CEP63: variants seen among roughly 807,000 people sequenced by gnomAD.
The protein encoded by CEP63 is centrosomal protein of 63 kDa.
A neutral mutation model predicts 89.1 loss-of-function variants in CEP63; 84 were observed. The ratio of observed to expected loss-of-function variants is 0.94; its 90% CI spans 0.79 to 1.13. The LOEUF (loss-of-function observed/expected upper bound fraction) is 1.13, where lower values mean the gene tolerates loss of function less well. Among genes scored for constraint, CEP63 ranks in the 50% most tolerant of loss-of-function variants. The probability of loss-of-function intolerance (pLI) is 0.00; values close to 1 mark genes in which losing one functional copy is unlikely to be tolerated. For missense variants in CEP63, 838 were observed against 813.3 expected, an observed-to-expected ratio of 1.03 and a Z score of -0.37; for synonymous variants, 267 against 272.5, an observed-to-expected ratio of 0.98 and a Z score of 0.20.
At chr3:134,645,940 C>T in the CEP63 span, among the ~76,000 whole-genome samples, 9 of 152,158 alleles carry the variant, frequency 5.9e-5, no homozygotes, top group African/African-American at 2.2e-4. Context: ...CAGTGTATTT[C>T]AATCCTCTCC....
chr3:134,676,419 G>T, the CEP63 span, among the ~76,000 whole-genome samples: 1 of 152,194 alleles, frequency 6.6e-6, no homozygotes, highest in African/African-American at 2.4e-5. Context: ...GTTGCCAGGG[G>T]TTTGGGGTAG....
chr3:134,576,377 A>G (rs1443504528), downstream of CEP63, among the ~76,000 whole-genome samples: 1 of 152,238 alleles, frequency 6.6e-6, no homozygotes, highest in Non-Finnish European at 1.5e-5. Flanking sequence ...CTATTCCCTG[A>G]AGATGCCAGC....
the CEP63 span, chr3:134,647,408 T>C: frequency 6.5e-7 from 1 of 1,541,374 alleles, no homozygotes; most frequent in East Asian, 2.3e-5. Flanking sequence ...TTAAATCCTA[T>C]AGGTTGAAAG....
the CEP63 span, among the ~76,000 whole-genome samples, chr3:134,701,430 A>T: frequency 4.2e-5 from 2 of 48,074 alleles, no homozygotes; most frequent in Non-Finnish European, 8.3e-5. Flanking sequence ...ATACGTATAT[A>T]TGTGTATATA....
chr3:134,560,306 C>G (rs1364725626), intron 14 of CEP63, among the ~76,000 whole-genome samples: 1 of 152,206 alleles, frequency 6.6e-6, no homozygotes, highest in Non-Finnish European at 1.5e-5. Flanking sequence ...AGTTGATCCT[C>G]ATTATTCACA....
the CEP63 span, chr3:134,604,010 TC>T: frequency 6.2e-7 from 1 of 1,613,938 alleles, no homozygotes; most frequent in Non-Finnish European, 8.5e-7. Context: ...TCGGTCTGCT[TC>T]TCCCGGTGCA....
chr3:134,715,962 T>C, the CEP63 span, among the ~76,000 whole-genome samples: 1 of 151,838 alleles, frequency 6.6e-6, no homozygotes, highest in Non-Finnish European at 1.5e-5. Context: ...TTTTCCCTTG[T>C]AGGTTCTTTC....
At chr3:134,718,765 G>A in the CEP63 span, among the ~76,000 whole-genome samples, 1 of 152,090 alleles carries the variant, frequency 6.6e-6, no homozygotes, top group African/African-American at 2.4e-5. Flanking sequence ...TCTTAATTGT[G>A]GCTCCCACAT....
chr3:134,618,134 G>T, the CEP63 span, among the ~76,000 whole-genome samples: 6 of 152,154 alleles, frequency 3.9e-5, no homozygotes, highest in Non-Finnish European at 7.3e-5. Flanking sequence ...AGAGCAGGAG[G>T]CTTAGAGTAA....
chr3:134,603,500 G>T, the CEP63 span: 3 of 1,308,780 alleles, frequency 2.3e-6, no homozygotes, highest in Non-Finnish European at 3.2e-6. Context: ...GGTGTCCAGG[G>T]CTCCCTGCAC....
chr3:134,571,744 A>G (rs1402107545), intron 11 of CEP63, among the ~76,000 whole-genome samples: 1 of 152,140 alleles, frequency 6.6e-6, no homozygotes, highest in Admixed American at 6.5e-5. Flanking sequence ...AAAATAAAAT[A>G]TCATCATTCA....
chr3:134,642,517 G>T, the CEP63 span, among the ~76,000 whole-genome samples: 1 of 126,814 alleles, frequency 7.9e-6, no homozygotes, highest in Non-Finnish European at 1.7e-5. Flanking sequence ...CTTGTCGTGT[G>T]CTCAGATCCA....
intron 5 of CEP63, 199 bp from the exon 6 acceptor site, chr3:134,536,956 A>C (rs986993648): frequency 1.7e-6 from 1 of 573,752 alleles, no homozygotes; most frequent in African/African-American, 1.9e-5. Context: ...AGAAAGACAG[A>C]TATCCAGAGG....
At chr3:134,539,398 G>C (rs531621165) in intron 6 of CEP63, among the ~76,000 whole-genome samples, 1 of 152,042 alleles carries the variant, frequency 6.6e-6, no homozygotes, top group East Asian at 1.9e-4. Flanking sequence ...TTTTTGGGTG[G>C]AATATTACAG....
the CEP63 span, among the ~76,000 whole-genome samples, chr3:134,713,098 C>T: frequency 3.9e-5 from 6 of 152,316 alleles, no homozygotes; most frequent in Non-Finnish European, 5.9e-5. Context: ...ACTTAACAAA[C>T]GTTTGTTTTT....
At chr3:134,568,149 A>T (rs867725822), downstream of CEP63, among the ~76,000 whole-genome samples, 2 of 152,044 alleles carry the variant, frequency 1.3e-5, no homozygotes, top group African/African-American at 2.4e-5. Flanking sequence ...TCCACTGTGG[A>T]TGGGCTAATC....
chr3:134,575,575 T>TCCTCCCTC (rs767086336), downstream of CEP63, among the ~76,000 whole-genome samples: 3 of 121,466 alleles, frequency 2.5e-5, no homozygotes, highest in African/African-American at 9.5e-5. Flanking sequence ...GTGGCCCTCT[T>TCCTCCCTC]CCTCCCTCCC....
At chr3:134,628,386 A>G in the CEP63 span, among the ~76,000 whole-genome samples, 58 of 152,142 alleles carry the variant, frequency 3.8e-4, 1 homozygote, top group Admixed American at 3.7e-3. Flanking sequence ...AAGGAAAGGA[A>G]CTTTCCCTGC....
the CEP63 span, among the ~76,000 whole-genome samples, chr3:134,699,458 A>T: frequency 6.6e-6 from 1 of 152,226 alleles, no homozygotes; most frequent in African/African-American, 2.4e-5. Flanking sequence ...GGCAAGACAG[A>T]AGCAGGAAGC....
Sources: allele counts gnomAD v4.1 joint callset (sites outside exome capture counted in the v4.1 genomes callset), GRCh38; gene constraint gnomAD v4.1.1; transcripts MANE v1.5; gene names NCBI Gene and HGNC (gene_info 2026-07-23, HGNC 2026-07-21).